Variants in MKLN1 observed in about 807,000 individuals in gnomAD.
MKLN1 encodes muskelin 1, also known as muskelin.
A neutral mutation model predicts 99.0 loss-of-function variants in MKLN1; 18 were observed. The observed-to-expected ratio is 0.18, with a 90% CI of 0.13 to 0.27. MKLN1 has a LOEUF of 0.27. Ranked by LOEUF, MKLN1 falls within the 10% of genes least tolerant of loss-of-function variation. MKLN1 has a pLI of 1.00. For missense variants in MKLN1, 621 were observed against 875.9 expected (o/e 0.71, Z 3.67); for synonymous variants, 288 against 293.2 (o/e 0.98, Z 0.18).
At chr7:131,184,168 G>A (rs1285182910) in intron 2 of MKLN1, among the ~76,000 whole-genome samples, 3 of 151,924 alleles carry the variant, frequency 2.0e-5, no homozygotes, top group Non-Finnish European at 4.4e-5. Context: ...GTCTCACTAT[G>A]TGACTATTCA....
chr7:131,145,138 T>C (rs1795799173), intron 2 of MKLN1, among the ~76,000 whole-genome samples: 1 of 152,124 alleles, frequency 6.6e-6, no homozygotes, highest in Admixed American at 6.5e-5. Flanking sequence ...AATTTACAGA[T>C]GACACACACT....
intron 3 of MKLN1, among the ~76,000 whole-genome samples, chr7:131,211,062 T>G (rs1035630813): frequency 6.6e-6 from 1 of 151,986 alleles, no homozygotes; most frequent in African/African-American, 2.4e-5. Flanking sequence ...ACAGTGTTCA[T>G]GTACTGCTGT....
rs191416079 is a variant in MKLN1 at position 131,210,559 on chromosome 7, C to G, written c.-179+7585C>G. Among the ~76,000 whole-genome samples the G allele has an allele frequency of 5.1e-3, 735 of 143,312 alleles. 10 individuals carry two copies. Among genetic ancestry groups the G allele is most frequent in the African/African-American group, 0.018 (704 of 38,178 alleles). 94.0% of individuals were successfully genotyped at this position (143,312 alleles called of 152,430 possible). Reference sequence around the variant, plus strand: ...AAAAATAAACATACAAAAAATTAGCCAGGCATGGTGGTGCACACCTGTAGT... The same window carrying G: ...AAAAATAAACATACAAAAAATTAGCGAGGCATGGTGGTGCACACCTGTAGT... On this transcript the variant is annotated intron_variant, in intron 3 of 7. Transcript: ENST00000416992.
chr7:131,227,485 CTCTTTCTTTCTCTT>C lies in MKLN1; in HGVS notation c.-179+24523_-179+24536del, dbSNP rs1261655611. Among the ~76,000 whole-genome samples the C allele has an allele frequency of 1.0e-4, 9 of 88,706 alleles. No homozygotes were observed. The East Asian group carries it at 2.4e-3, about 23-fold the overall frequency. The allele number at this position is 88,706 out of a possible 152,430, so 58.2% of individuals were successfully genotyped here. On this transcript the variant is annotated intron_variant, in intron 3 of 7. Transcript: ENST00000416992. ...TTTCTTTCTTTCTTTCTCTCTTTCTCTCTTTCTTTCTCTTTCTTTCTTTCTTTCTTTCTTTCTTT... is the reference window on the plus strand; with the variant it reads ...TTTCTTTCTTTCTTTCTCTCTTTCTCTCTTTCTTTCTTTCTTTCTTTCTTT...
chr7:131,227,477 CTCTT>C (rs755702448), intron 3 of MKLN1, among the ~76,000 whole-genome samples: 3 of 128,838 alleles, frequency 2.3e-5, no homozygotes, highest in Admixed American at 8.2e-5. Context: ...CTTTCTTTCT[CTCTT>C]TCTCTCTTTC....
chr7:131,363,329 C>G (rs915461179), intron 1 of MKLN1, among the ~76,000 whole-genome samples: 2 of 151,952 alleles, frequency 1.3e-5, no homozygotes, highest in African/African-American at 2.4e-5. Flanking sequence ...TTTCTGAGAT[C>G]TGTGTCACTT....
chr7:131,368,181 G>C (rs1338863593), intron 1 of MKLN1, among the ~76,000 whole-genome samples: 1 of 152,226 alleles, frequency 6.6e-6, no homozygotes, highest in African/African-American at 2.4e-5. Flanking sequence ...GTGGAAATGG[G>C]TGGAGGGGAG....
At chr7:131,219,418 C>G (rs947163094) in intron 3 of MKLN1, among the ~76,000 whole-genome samples, 9 of 152,134 alleles carry the variant, frequency 5.9e-5, no homozygotes, top group African/African-American at 1.7e-4. Context: ...CAAACAAAGG[C>G]ACTTCTCTCT....
chr7:131,227,495 C>CTCTCTCTTTCTTTCTTTCTTTCTTTCTT (rs1554539894), intron 3 of MKLN1, among the ~76,000 whole-genome samples: 2 of 115,712 alleles, frequency 1.7e-5, no homozygotes, highest in Non-Finnish European at 3.4e-5. Context: ...CTCTTTCTTT[C>CTCTCTCTTTCTTTCTTTCTTTCTTTCTT]TCTTTCTTTC....
Position 131,128,587 on chromosome 7 carries a change from C to G in MKLN1, c.-418-14233C>G, listed in dbSNP as rs1291970562. On this transcript the variant is annotated intron_variant, in intron 1 of 7. Coordinates refer to the MKLN1 transcript ENST00000416992. ...GAACTTTTAGCTTATGTAGATAAGG[C>G]AGTAGCACAAACAAAATTAAAAGAT... is the stretch of plus-strand genomic sequence containing the variant. Among the ~76,000 whole-genome samples, 4 of 152,238 alleles carry G rather than the reference C, an allele frequency of 2.6e-5. No individual in the cohort carries two copies. The East Asian group carries it at 7.7e-4, about 29-fold the overall frequency.
chr7:131,155,310 C>T (rs1484569113), intron 2 of MKLN1, among the ~76,000 whole-genome samples: 2 of 152,134 alleles, frequency 1.3e-5, no homozygotes, highest in Non-Finnish European at 2.9e-5. Flanking sequence ...GTTTATCCCT[C>T]CATGAAGTGG....
At chr7:131,439,702 G>T (rs1180419316) in intron 10 of MKLN1, among the ~76,000 whole-genome samples, 1 of 152,024 alleles carries the variant, frequency 6.6e-6, no homozygotes, top group Admixed American at 6.6e-5. Context: ...ATACAAACAT[G>T]CTTAAAAGCT....
At chr7:131,129,695 T>G (rs1368853972) in intron 1 of MKLN1, among the ~76,000 whole-genome samples, 1 of 152,202 alleles carries the variant, frequency 6.6e-6, no homozygotes. Flanking sequence ...TGACTCAGCC[T>G]CTGAATTAGC....
chr7:131,359,052 T>C (rs555424082), intron 1 of MKLN1, among the ~76,000 whole-genome samples: 1 of 152,284 alleles, frequency 6.6e-6, no homozygotes, highest in Admixed American at 6.5e-5. Flanking sequence ...ATTTATTTTT[T>C]CTGCTTTGTT....
chr7:131,220,296 C>T (rs73491120), intron 3 of MKLN1, among the ~76,000 whole-genome samples: 3,409 of 152,258 alleles, frequency 0.022, 119 homozygotes, highest in African/African-American at 0.077. Flanking sequence ...CTCTTTCTCC[C>T]CACTCCCATA....
intron 3 of MKLN1, among the ~76,000 whole-genome samples, chr7:131,304,913 C>T (rs1421102057): frequency 6.6e-6 from 1 of 152,148 alleles, no homozygotes; most frequent in African/African-American, 2.4e-5. Flanking sequence ...GCTCTGTCCT[C>T]ATGAATGGGA....
At chr7:131,383,632 A>G (rs535888702) in intron 2 of MKLN1, among the ~76,000 whole-genome samples, 1 of 152,314 alleles carries the variant, frequency 6.6e-6, no homozygotes, top group Admixed American at 6.5e-5. Flanking sequence ...TTCTAGTCTC[A>G]TTTTTGTACT....
At chr7:131,193,927 C>A (rs748250812) in intron 2 of MKLN1, among the ~76,000 whole-genome samples, 1 of 151,812 alleles carries the variant, frequency 6.6e-6, no homozygotes, top group African/African-American at 2.4e-5. Context: ...AGGACCTTGT[C>A]CTTTTTCAAA....
intron 3 of MKLN1, among the ~76,000 whole-genome samples, chr7:131,288,729 A>G (rs1584893005): frequency 6.6e-6 from 1 of 152,114 alleles, no homozygotes; most frequent in African/African-American, 2.4e-5. Flanking sequence ...ATCTGCTAGT[A>G]TTGTGACTCT....
Sources: allele counts gnomAD v4.1 joint callset (sites outside exome capture counted in the v4.1 genomes callset), GRCh38; gene constraint gnomAD v4.1.1; transcripts MANE v1.5; gene names NCBI Gene and HGNC (gene_info 2026-07-23, HGNC 2026-07-21).